MIB1: variants seen among roughly 807,000 people sequenced by gnomAD.
The protein encoded by MIB1 is MIB E3 ubiquitin protein ligase 1, also known as E3 ubiquitin-protein ligase MIB1.
In MIB1, 278 loss-of-function variants were observed where a neutral mutation model predicts 124.5. The observed-to-expected ratio is 2.23, with a 90% CI of 2.02 to 2.47. The LOEUF is 2.47. Ranked by LOEUF, MIB1 falls within the 30% of genes most tolerant of loss-of-function variation. The pLI, the probability that MIB1 is intolerant of heterozygous loss-of-function variation, is 0.00. For synonymous variants in MIB1, 446 were observed against 429.4 expected (o/e 1.04, Z -0.48); for missense variants, 957 against 1,254.4 (o/e 0.76, Z 3.58).
At chr18:21,835,712 G>A (rs916563671) in intron 12 of MIB1, among the ~76,000 whole-genome samples, 1 of 150,120 alleles carries the variant, frequency 6.7e-6, no homozygotes, top group Non-Finnish European at 1.5e-5. Context: ...GGAGGTTGCA[G>A]TGAGCCGAGA....
chr18:21,821,708 C>T (rs1019548815), intron 12 of MIB1, among the ~76,000 whole-genome samples: 1 of 151,936 alleles, frequency 6.6e-6, no homozygotes, highest in East Asian at 1.9e-4. Context: ...ACGCCATTCT[C>T]CTGCCTCAGC....
chr18:21,772,971 A>G (rs979811121), intron 3 of MIB1, among the ~76,000 whole-genome samples: 1 of 152,146 alleles, frequency 6.6e-6, no homozygotes. Flanking sequence ...GGCTTAAAAG[A>G]ATATACTGTT....
chr18:21,739,932 A>AT (rs1263503557), upstream of MIB1, among the ~76,000 whole-genome samples: 3 of 150,726 alleles, frequency 2.0e-5, no homozygotes, highest in African/African-American at 5.0e-5. Context: ...GCAAAAAAAA[A>AT]AACAACAACA....
At chr18:21,748,899 A>G (rs1354967877) in intron 1 of MIB1, among the ~76,000 whole-genome samples, 3 of 150,626 alleles carry the variant, frequency 2.0e-5, no homozygotes, top group Admixed American at 6.6e-5. Flanking sequence ...AGCCTGGCTA[A>G]TTTTTTTTTA....
At chr18:21,725,682 TC>T (rs1009475282) in intron 1 of MIB1, among the ~76,000 whole-genome samples, 16 of 152,148 alleles carry the variant, frequency 1.1e-4, no homozygotes, top group Admixed American at 3.9e-4. Flanking sequence ...AATAAAAGCT[TC>T]CTCTTCCTCC....
At chr18:21,830,978 T>C (rs947490375) in intron 12 of MIB1, among the ~76,000 whole-genome samples, 4 of 151,490 alleles carry the variant, frequency 2.6e-5, no homozygotes, top group African/African-American at 9.7e-5. Context: ...TGCACAGTTA[T>C]ATAGGGAAAG....
intron 1 of MIB1, among the ~76,000 whole-genome samples, chr18:21,731,853 G>T (rs1223917865): frequency 1.3e-5 from 2 of 150,090 alleles, no homozygotes; most frequent in Non-Finnish European, 3.0e-5. Context: ...TATTAAAAAC[G>T]CAAACTTTAT....
intron 12 of MIB1, among the ~76,000 whole-genome samples, chr18:21,836,115 T>C (rs987886829): frequency 3.4e-4 from 51 of 150,720 alleles, no homozygotes; most frequent in African/African-American, 1.2e-3. Flanking sequence ...TTAGCTGGGC[T>C]TGGTGGCATG....
At chr18:21,765,280 C>T (rs1341201643) in intron 1 of MIB1, among the ~76,000 whole-genome samples, 1 of 152,136 alleles carries the variant, frequency 6.6e-6, no homozygotes, top group East Asian at 1.9e-4. Flanking sequence ...CTAACTTTTC[C>T]TGACTATGGG....
chr18:21,839,488 C>T (rs998585890), intron 13 of MIB1, among the ~76,000 whole-genome samples: 30 of 152,188 alleles, frequency 2.0e-4, no homozygotes, highest in African/African-American at 6.7e-4. Flanking sequence ...TGTTCTAGAT[C>T]TTTTGCATTT....
At chr18:21,763,899 C>T (rs531545247) in intron 1 of MIB1, among the ~76,000 whole-genome samples, 1 of 152,116 alleles carries the variant, frequency 6.6e-6, no homozygotes, top group South Asian at 2.1e-4. Flanking sequence ...TATCTTTTTT[C>T]TCCACACTGC....
At chr18:21,719,566 C>A (rs1414944226) in intron 1 of MIB1, among the ~76,000 whole-genome samples, 4 of 151,868 alleles carry the variant, frequency 2.6e-5, no homozygotes, top group African/African-American at 9.7e-5. Flanking sequence ...CCGGTCTCAG[C>A]CTCCGGAGTA....
chr18:21,740,441 A>G (rs867791882), upstream of MIB1, among the ~76,000 whole-genome samples: 5 of 152,232 alleles, frequency 3.3e-5, no homozygotes, highest in African/African-American at 1.2e-4. Context: ...TTACACACAA[A>G]TACAGATCGC....
chr18:21,762,782 A>AACT (rs2041112678), intron 1 of MIB1, among the ~76,000 whole-genome samples: 1 of 152,306 alleles, frequency 6.6e-6, no homozygotes, highest in East Asian at 1.9e-4. Flanking sequence ...TGCTATTTAG[A>AACT]AGTTTTTATT....
At chr18:21,824,809 T>TATTA (rs5823311) in intron 12 of MIB1, among the ~76,000 whole-genome samples, 150,051 of 151,946 alleles carry the variant, frequency 0.99, 74,127 homozygotes, top group South Asian at 1. Context: ...TGTTTGTCTC[T>TATTA]ATTAAATAAT....
intron 7 of MIB1, chr18:21,793,859 T>C (rs1160163137): frequency 2.0e-5 from 3 of 150,684 alleles, no homozygotes; most frequent in Non-Finnish European, 4.4e-5. Flanking sequence ...AACTGTACTT[T>C]TATAATTTAA....
intron 12 of MIB1, chr18:21,825,341 A>G (rs1221785868): frequency 3.7e-6 from 1 of 273,194 alleles, no homozygotes; most frequent in African/African-American, 2.4e-5. Context: ...TTATGTGTTC[A>G]GGTGGGTTTT....
chr18:21,734,388 AG>A (rs2040785844), intron 1 of MIB1, among the ~76,000 whole-genome samples: 1 of 152,012 alleles, frequency 6.6e-6, no homozygotes, highest in South Asian at 2.1e-4. Flanking sequence ...TACAGGTGTG[AG>A]CCAACGTGCC....
intron 14 of MIB1, 82 bp from the exon 15 acceptor site, chr18:21,844,010 T>C: frequency 7.3e-7 from 1 of 1,363,642 alleles, no homozygotes; most frequent in Non-Finnish European, 1.0e-6. Flanking sequence ...AGGTCCAGGG[T>C]GTTCTCACCA....
Sources: allele counts gnomAD v4.1 joint callset (sites outside exome capture counted in the v4.1 genomes callset), GRCh38; gene constraint gnomAD v4.1.1; transcripts MANE v1.5; gene names NCBI Gene and HGNC (gene_info 2026-07-23, HGNC 2026-07-21).